Variants in SLC2A14 observed in about 807,000 individuals in gnomAD.
SLC2A14 encodes solute carrier family 2, facilitated glucose transporter member 14.
Under a neutral mutation model 43.0 loss-of-function variants are expected in SLC2A14, and 13 were observed. That is an observed-to-expected ratio of 0.30 (90% CI 0.20 to 0.48). The LOEUF (loss-of-function observed/expected upper bound fraction) is 0.48. Among genes scored for constraint, SLC2A14 ranks in the 20% least tolerant of loss-of-function variants. SLC2A14 has a pLI of 0.99. For missense variants in SLC2A14, 428 were observed against 620.4 expected (o/e 0.69, Z 3.29); for synonymous variants, 190 against 233.8 (o/e 0.81, Z 1.71).
intron 2 of SLC2A14, among the ~76,000 whole-genome samples, chr12:7,833,642 A>G (rs1865210569): frequency 6.6e-6 from 1 of 152,026 alleles, no homozygotes; most frequent in African/African-American, 2.4e-5. Flanking sequence ...TTAGCAGGGC[A>G]TGGTGGGGTG....
At chr12:7,874,816 TTA>T (rs1491528296), upstream of SLC2A14, among the ~76,000 whole-genome samples, 3 of 60,386 alleles carry the variant, frequency 5.0e-5, 1 homozygote, top group African/African-American at 1.9e-4. Context: ...AAATACGTAT[TTA>T]TATATAAATT....
chr12:7,868,989 A>G (rs1945076123), intron 2 of SLC2A14, among the ~76,000 whole-genome samples: 1 of 152,178 alleles, frequency 6.6e-6, no homozygotes, highest in Non-Finnish European at 1.5e-5. Context: ...TACTAAAAAT[A>G]CAAAATTAGC....
chr12:7,860,625 C>T (rs888011541), intron 2 of SLC2A14: 1 of 152,314 alleles, frequency 6.6e-6, no homozygotes, highest in African/African-American at 2.4e-5. Context: ...TAAATCACTG[C>T]AAGAAAAACG....
In SLC2A14 at chr12:7,869,066, C is replaced by T. The variant is rs772238614; in HGVS notation, c.18+797G>A. Among the ~76,000 whole-genome samples the T allele has an allele frequency of 1.3e-4, 19 of 151,962 alleles. No individual in the cohort carries two copies. In the East Asian group the frequency reaches 2.1e-3, roughly 17 times the overall value. On this transcript the variant is annotated intron_variant, in intron 2 of 10. Transcript: ENST00000431042. The stretch of plus-strand genomic sequence containing the variant: ...GGCTGAGGCAGAAGAATCGTTTGAA[C>T]CCAGGAGGCGGAGGTTGCGGTGAGC...
chr12:7,844,424 T>C (rs1866283081), intron 2 of SLC2A14, among the ~76,000 whole-genome samples: 1 of 152,158 alleles, frequency 6.6e-6, no homozygotes, highest in Non-Finnish European at 1.5e-5. Context: ...GTTCGAGCTA[T>C]TATAAACATT....
chr12:7,837,569 C>T (rs769791426), intron 2 of SLC2A14, among the ~76,000 whole-genome samples: 26 of 129,068 alleles, frequency 2.0e-4, no homozygotes, highest in Non-Finnish European at 3.0e-4. Context: ...AACCTGGGGG[C>T]GGAGGTTGCA....
intron 1 of SLC2A14, chr12:7,871,212 T>A: frequency 8.0e-7 from 1 of 1,253,616 alleles, no homozygotes; most frequent in East Asian, 4.3e-5. Flanking sequence ...GTTTCATTCA[T>A]GAGGACCACC....
chr12:7,871,312 C>G, intron 1 of SLC2A14: 1 of 1,086,544 alleles, frequency 9.2e-7, no homozygotes. Flanking sequence ...TAAAAAAAGA[C>G]AAGTTCAACT....
chr12:7,862,518 C>G (rs978740094), intron 2 of SLC2A14, among the ~76,000 whole-genome samples: 1 of 152,062 alleles, frequency 6.6e-6, no homozygotes, highest in East Asian at 1.9e-4. Flanking sequence ...GAATGCCGCC[C>G]CCTGCTCCAC....
intron 9 of SLC2A14, among the ~76,000 whole-genome samples, chr12:7,818,925 G>T (rs1034787596): frequency 1.3e-5 from 2 of 151,758 alleles, no homozygotes; most frequent in African/African-American, 2.4e-5. Context: ...ATTATTTTAA[G>T]AATTAAATTA....
At position 7,827,516 on chromosome 12, in the gene SLC2A14, C is replaced by T. The variant is rs1864598374; in HGVS notation, c.843G>A (p.Gln281=). 6.2e-7 allele frequency: 1 copy of T among 1,612,140 alleles called. No homozygotes were observed. Among genetic ancestry groups the T allele is most frequent in the African/African-American group, 1.3e-5 (1 of 74,410 alleles). Residue 281 remains glutamine (Q), a synonymous_variant, in exon 7 of 11, where the codon CAG becomes CAA. Coordinates refer to ENST00000431042, the MANE Select transcript of SLC2A14 (RefSeq NM_001286234.2). ...TCACAGCATTGATCCCAGAGAGCTG[C>T]TGAGAGAGCTGGAGCACAATGGAAA... The part of the protein sequence containing the change: ...IIISIVLQLS[Q]QLSGINAVFY...
chr12:7,836,695 G>C (rs1865490629), intron 2 of SLC2A14, among the ~76,000 whole-genome samples: 1 of 151,988 alleles, frequency 6.6e-6, no homozygotes, highest in African/African-American at 2.4e-5. Flanking sequence ...AATTAGCCAG[G>C]CGTGGTGGCA....
At chr12:7,841,100 G>A (rs1865912742) in intron 2 of SLC2A14, among the ~76,000 whole-genome samples, 1 of 152,106 alleles carries the variant, frequency 6.6e-6, no homozygotes, top group African/African-American at 2.4e-5. Flanking sequence ...ATATAAACAA[G>A]TGTTTCGCTT....
intron 1 of SLC2A14, chr12:7,890,943 A>C: frequency 6.7e-7 from 1 of 1,497,176 alleles, no homozygotes; most frequent in Non-Finnish European, 8.9e-7. Flanking sequence ...TAAAGAAATC[A>C]TCCTCGACAT....
intron 2 of SLC2A14, among the ~76,000 whole-genome samples, chr12:7,868,978 C>A (rs753865998): frequency 1.3e-5 from 2 of 152,176 alleles, no homozygotes; most frequent in East Asian, 3.9e-4. Flanking sequence ...AACCCCATCT[C>A]TACTAAAAAT....
At chr12:7,854,873 C>T (rs147231536) in intron 2 of SLC2A14, among the ~76,000 whole-genome samples, 22 of 151,762 alleles carry the variant, frequency 1.4e-4, no homozygotes, top group African/African-American at 5.1e-4. Context: ...TGTAGTGGCG[C>T]GATCTCAGCT....
chr12:7,883,985 A>G (rs1002735503), intron 1 of SLC2A14, among the ~76,000 whole-genome samples: 2 of 150,644 alleles, frequency 1.3e-5, no homozygotes, highest in African/African-American at 2.4e-5. Context: ...GTGCAGTGGC[A>G]CAATCTCGGC....
At chr12:7,872,087 A>G (rs1945265700) in intron 1 of SLC2A14, 3 of 192,060 alleles carry the variant, frequency 1.6e-5, no homozygotes, top group Non-Finnish European at 2.9e-5. Flanking sequence ...TTAAACTGGG[A>G]CAAAACTAAT....
At chr12:7,834,530 C>CT (rs71038782) in intron 2 of SLC2A14, among the ~76,000 whole-genome samples, 26,823 of 112,944 alleles carry the variant, frequency 0.24, 3,325 homozygotes, top group East Asian at 0.4. Flanking sequence ...TTCTCTCTCT[C>CT]TTTTTTTTTT....
Sources: allele counts gnomAD v4.1 joint callset (sites outside exome capture counted in the v4.1 genomes callset), GRCh38; gene constraint gnomAD v4.1.1; transcripts MANE v1.5; gene names NCBI Gene and HGNC (gene_info 2026-07-23, HGNC 2026-07-21).